The following CR1 variants were observed in gnomAD, a reference collection of about 807,000 sequenced individuals.
CR1 encodes the protein complement C3b/C4b receptor 1 (Knops blood group), also known as complement receptor type 1.
A neutral mutation model predicts 187.3 loss-of-function variants in CR1; 116 were observed. The ratio of observed to expected loss-of-function variants is 0.62; its 90% confidence interval spans 0.53 to 0.72. CR1 has a LOEUF of 0.72. CR1 is among the 30% of genes least tolerant of loss of function. The pLI, the probability that CR1 is intolerant of heterozygous loss-of-function variation, is 0.00. For synonymous variants in CR1, 576 were observed against 747.1 expected, an observed-to-expected ratio of 0.77 and a Z score of 3.73; for missense variants, 1,731 against 2,110.7, an observed-to-expected ratio of 0.82 and a Z score of 3.52.
intron 32 of CR1, among the ~76,000 whole-genome samples, chr1:207,582,853 A>G (rs1422700400): frequency 4.6e-5 from 7 of 152,214 alleles, no homozygotes; most frequent in Non-Finnish European, 4.4e-5. Flanking sequence ...GCCAGGGTAG[A>G]ATTTCCCTTA....
chr1:207,617,230 C>A (rs55912609), intron 41 of CR1, among the ~76,000 whole-genome samples: 1 of 151,750 alleles, frequency 6.6e-6, no homozygotes, highest in African/African-American at 2.4e-5. Context: ...GAACTGATAA[C>A]GCTATAAAAG....
chr1:207,603,427 C>A (rs746459332), intron 35 of CR1, among the ~76,000 whole-genome samples: 1 of 151,656 alleles, frequency 6.6e-6, no homozygotes. Context: ...TTTATTGAAG[C>A]CTAGGCTCTT....
chr1:207,581,191 G>A (rs1660928387), intron 31 of CR1, among the ~76,000 whole-genome samples: 1 of 146,898 alleles, frequency 6.8e-6, no homozygotes, highest in South Asian at 2.2e-4. Flanking sequence ...TGTATACATG[G>A]ACACGTATAT....
chr1:207,621,297 A>G (rs1348964086), intron 43 of CR1, among the ~76,000 whole-genome samples: 1 of 152,118 alleles, frequency 6.6e-6, no homozygotes, highest in East Asian at 1.9e-4. Flanking sequence ...TTAAATTAAC[A>G]ATAAAAAGGT....
intron 4 of CR1, among the ~76,000 whole-genome samples, chr1:207,517,495 T>A (rs1659842739): frequency 6.6e-6 from 1 of 152,116 alleles, no homozygotes; most frequent in Admixed American, 6.5e-5. Context: ...AATGTCCTTA[T>A]CAGGTTTGGG....
intron 35 of CR1, among the ~76,000 whole-genome samples, chr1:207,601,587 TC>T (rs1661606096): frequency 6.6e-6 from 1 of 152,166 alleles, no homozygotes; most frequent in East Asian, 1.9e-4. Context: ...TTGTCATTTT[TC>T]TGGTTTAAAA....
At position 207,566,042 on chromosome 1, in the gene CR1, T is replaced by C; in HGVS notation, c.3952+119T>C. 3 of 1,334,844 alleles carry C rather than the reference T, an allele frequency of 2.2e-6. 1 individual carries two copies. Among genetic ancestry groups the C allele is most frequent in the African/African-American group, 3.2e-5 (2 of 63,444 alleles). 82.7% of individuals were successfully genotyped at this position (1,334,844 alleles called of 1,614,324 possible). On this transcript the variant is annotated intron_variant, in intron 24 of 46. Transcript: ENST00000367049. ...CTAGTCTTAATTATCGATTTAAAAATAGTTTATTTTAATAATGTTTGGTTG... is the reference window on the plus strand; with the variant it reads ...CTAGTCTTAATTATCGATTTAAAAACAGTTTATTTTAATAATGTTTGGTTG...
rs143144118 is a variant in CR1, at chr1:207,516,987, A to C, written c.487+5333A>C. On this transcript the variant is annotated intron_variant, in intron 4 of 46. Coordinates refer to ENST00000367049, the MANE Select transcript of CR1 (RefSeq NM_000651.6). ...CCTCCAGTACAATATTGAATAGAAG[A>C]CATGATACAAGGCTTTTAATAGTCC... 3.6e-3 allele frequency among the ~76,000 whole-genome samples: 551 copies of C among 152,256 alleles called. 6 individuals are homozygous for C. Among genetic ancestry groups the C allele is most frequent in the African/African-American group, 0.013 (536 of 41,572 alleles).
chr1:207,630,468 A>G (rs1662605015), intron 45 of CR1, 49 bp from the exon 46 acceptor site: 3 of 1,206,438 alleles, frequency 2.5e-6, no homozygotes, highest in Non-Finnish European at 3.5e-6. Context: ...TTCAAAACAG[A>G]TACTTAAATG....
intron 35 of CR1, among the ~76,000 whole-genome samples, chr1:207,590,353 C>T (rs1261857028): frequency 6.6e-6 from 1 of 152,132 alleles, no homozygotes; most frequent in African/African-American, 2.4e-5. Context: ...TCATATCTAG[C>T]CAAACTAAGC....
chr1:207,518,671 A>C (rs1452161506), intron 4 of CR1, among the ~76,000 whole-genome samples: 2 of 152,110 alleles, frequency 1.3e-5, no homozygotes, highest in Non-Finnish European at 2.9e-5. Context: ...TGGCTTGTAG[A>C]TGCATCATTT....
intron 31 of CR1, 76 bp from the exon 32 acceptor site, chr1:207,581,842 G>T: frequency 1.0e-6 from 1 of 961,838 alleles, no homozygotes; most frequent in Non-Finnish European, 1.7e-6. Context: ...GAATTCTCAG[G>T]GAGGAGGTTG....
intron 35 of CR1, among the ~76,000 whole-genome samples, chr1:207,594,425 G>A (rs1248055821): frequency 1.3e-5 from 2 of 152,084 alleles, no homozygotes; most frequent in Non-Finnish European, 2.9e-5. Flanking sequence ...GACACACCGA[G>A]GGGAACATCA....
chr1:207,623,163 A>G (rs1367408777), intron 45 of CR1, 95 bp downstream of exon 45: 4 of 830,334 alleles, frequency 4.8e-6, no homozygotes, highest in Middle Eastern at 3.2e-4. Context: ...CCATTGCTAC[A>G]TAAACAGATG....
Position 207,523,883 on chromosome 1 carries a change from A to G in CR1, c.760A>G (p.Ser254Gly). 12 of 1,610,156 alleles carry G rather than the reference A, an allele frequency of 7.5e-6. No individual in the cohort carries two copies. The highest frequency in any genetic ancestry group is 1.0e-5 in the Non-Finnish European group (12 of 1,178,462). Residue 254 changes from serine (S) to glycine (G), a missense_variant, in exon 5 of 47, where the codon AGC (serine) becomes GGC (glycine). Physicochemically the swap from Ser to Gly is moderately conservative, Grantham distance 56 (BLOSUM62 0). Coordinates refer to ENST00000367049, the MANE Select transcript of CR1 (RefSeq NM_000651.6). ...ENGILVSDNR[S>G]LFSLNEVVEF... The stretch of plus-strand genomic sequence containing the variant: ...TGGAATATTGGTATCTGACAACAGA[A>G]GCTTATTTTCCTTAAATGAAGTTGT...
intron 32 of CR1, among the ~76,000 whole-genome samples, chr1:207,582,430 A>G (rs1211872640): frequency 1.3e-5 from 2 of 152,212 alleles, no homozygotes; most frequent in Non-Finnish European, 2.9e-5. Context: ...GGAACTGGGG[A>G]TATACCTATA....
chr1:207,507,231 T>C (rs1457838855), intron 3 of CR1: 1 of 155,964 alleles, frequency 6.4e-6, no homozygotes, highest in Non-Finnish European at 1.4e-5. Flanking sequence ...CCAAAACGGG[T>C]GGCTTAACAC....
intron 35 of CR1, among the ~76,000 whole-genome samples, chr1:207,589,164 G>A (rs1661196643): frequency 6.6e-6 from 1 of 152,150 alleles, no homozygotes; most frequent in African/African-American, 2.4e-5. Flanking sequence ...GCAGAGTTTG[G>A]GAGGGTAAAC....
intron 35 of CR1, among the ~76,000 whole-genome samples, 187 bp from the exon 36 acceptor site, chr1:207,607,063 CA>C (rs1225554766): frequency 6.6e-6 from 1 of 152,138 alleles, no homozygotes; most frequent in Non-Finnish European, 1.5e-5. Context: ...TTGGAGAGGT[CA>C]AAATGTAAGC....
Sources: gnomAD v4.1 joint callset for allele counts (sites outside exome capture counted in the v4.1 genomes callset) on GRCh38, gnomAD v4.1.1 for gene constraint, MANE v1.5 for transcripts, NCBI Gene and HGNC (gene_info 2026-07-23, HGNC 2026-07-21) for gene names.